Variants in RAPGEF1 observed in about 807,000 individuals in gnomAD.
RAPGEF1 encodes CRK SH3-binding GNRP.
RAPGEF1 carries 33 observed loss-of-function variants against 143.3 expected under a neutral mutation model. The ratio of observed to expected loss-of-function variants is 0.23; its 90% CI spans 0.17 to 0.31. The LOEUF is 0.31. RAPGEF1 is among the 10% of genes least tolerant of loss of function. The pLI is 1.00. For synonymous variants in RAPGEF1, 629 were observed against 676.5 expected (o/e 0.93, Z 1.09); for missense variants, 1,199 against 1,645.4 (o/e 0.73, Z 4.69).
intron 1 of RAPGEF1, among the ~76,000 whole-genome samples, chr9:131,660,155 A>C (rs1200334613): frequency 6.6e-6 from 1 of 152,196 alleles, no homozygotes; most frequent in South Asian, 2.1e-4. Context: ...ACATGGAAAG[A>C]TCCTCTGTCT....
chr9:131,709,769 G>T (rs928148698), intron 1 of RAPGEF1: 7 of 1,600,216 alleles, frequency 4.4e-6, no homozygotes, highest in Non-Finnish European at 6.0e-6. Context: ...GCTGAAAGGG[G>T]ATATCTCTTG....
rs1356988466 is a variant in RAPGEF1, at chr9:131,579,299, G to A, written c.*198C>T. On this transcript the variant is annotated 3_prime_UTR_variant, in exon 27 of 27. Coordinates refer to ENST00000683357, the MANE Select transcript of RAPGEF1 (RefSeq NM_001377935.1). ...GCCTGCTGGCTGCCCTGAGGCCCAC[G>A]GGTCTGCTCCCACAGAGGAAGGAGG... 7 of 676,612 alleles carry A rather than the reference G, an allele frequency of 1.0e-5. No individual in the cohort carries two copies. The East Asian group carries it at 1.1e-4, about 11-fold the overall frequency. The allele number at this position is 676,612 out of a possible 1,614,324, so 41.9% of individuals were successfully genotyped here.
At chr9:131,591,128 A>C (rs768281919) in intron 18 of RAPGEF1, among the ~76,000 whole-genome samples, 2 of 152,252 alleles carry the variant, frequency 1.3e-5, no homozygotes, top group Admixed American at 6.5e-5. Context: ...AGGTGCTCTG[A>C]GTAACAGAAC....
intron 10 of RAPGEF1, among the ~76,000 whole-genome samples, chr9:131,624,758 C>T (rs1962419900): frequency 6.6e-6 from 1 of 152,252 alleles, no homozygotes. Flanking sequence ...TTGCACACCC[C>T]TCTGCGGGAG....
rs1833040469 is a variant in RAPGEF1, at chr9:131,682,956, A to G, written c.62-32007T>C. On this transcript the variant is annotated intron_variant, in intron 1 of 26. Coordinates refer to ENST00000683357, the MANE Select transcript of RAPGEF1 (RefSeq NM_001377935.1). Reference sequence around the variant, plus strand: ...AAAGTAGTTATATTTTGCATTGTGAAGGGCCCGATGGACGACCTGGGGCTA... The same window carrying G: ...AAAGTAGTTATATTTTGCATTGTGAGGGGCCCGATGGACGACCTGGGGCTA... 3.9e-5 allele frequency among the ~76,000 whole-genome samples: 6 copies of G among 152,312 alleles called. No individual in the cohort carries two copies. The South Asian group carries it at 1.2e-3, about 32-fold the overall frequency.
rs1200038155 is a variant in RAPGEF1, at chr9:131,621,306, A to G, written c.1905+490T>C. Reference sequence around the variant, plus strand: ...CTGTTTAAAGCCATCCTCCACTTCAATGGCACTTGTTTTCCTTGGGCCCTC... The same window carrying G: ...CTGTTTAAAGCCATCCTCCACTTCAGTGGCACTTGTTTTCCTTGGGCCCTC... On this transcript the variant is annotated intron_variant, in intron 11 of 26. Transcript: ENST00000683357. The surrounding 1 kb of genome is among the most constrained non-coding windows in gnomAD (Gnocchi z 4.5). 1.3e-5 allele frequency among the ~76,000 whole-genome samples: 2 copies of G among 152,192 alleles called. No individual in the cohort carries two copies. Among genetic ancestry groups the G allele is most frequent in the African/African-American group, 4.8e-5 (2 of 41,456 alleles).
intron 1 of RAPGEF1, among the ~76,000 whole-genome samples, chr9:131,694,797 C>CTTT (rs60955547): frequency 6.5e-5 from 9 of 139,474 alleles, no homozygotes; most frequent in Admixed American, 7.1e-5. Flanking sequence ...TTCACACTTT[C>CTTT]TTTTTTTTTT....
intron 25 of RAPGEF1, 124 bp from the exon 26 acceptor site, chr9:131,580,515 G>T: frequency 8.5e-7 from 1 of 1,179,270 alleles, no homozygotes; most frequent in Non-Finnish European, 1.2e-6. Flanking sequence ...AAACCAAAGA[G>T]CCAGTCTGAG....
At chr9:131,707,490 G>A (rs1835161075) in intron 1 of RAPGEF1, among the ~76,000 whole-genome samples, 1 of 152,070 alleles carries the variant, frequency 6.6e-6, no homozygotes, top group Non-Finnish European at 1.5e-5. Context: ...GCCCAGGCTG[G>A]AGTGCAGTGG....
intron 3 of RAPGEF1, among the ~76,000 whole-genome samples, chr9:131,647,351 G>A (rs561518627): frequency 1.3e-5 from 2 of 152,320 alleles, no homozygotes; most frequent in East Asian, 3.9e-4. Flanking sequence ...CACAATTATG[G>A]TGAGGAGTAA....
chr9:131,706,955 A>G (rs1835118278), intron 1 of RAPGEF1, among the ~76,000 whole-genome samples: 1 of 152,208 alleles, frequency 6.6e-6, no homozygotes, highest in Non-Finnish European at 1.5e-5. Context: ...ACTGAACACA[A>G]CTAAACAAAA....
intron 1 of RAPGEF1, among the ~76,000 whole-genome samples, chr9:131,670,409 G>T (rs774987944): frequency 6.6e-6 from 1 of 152,110 alleles, no homozygotes; most frequent in Non-Finnish European, 1.5e-5. Flanking sequence ...CTTGGTGTAG[G>T]CTCCTCTTCC....
rs201833730 is a variant in RAPGEF1 at position 131,594,748 on chromosome 9, G to A, written c.2689+1550C>T. On this transcript the variant is annotated intron_variant, in intron 17 of 26. Coordinates refer to ENST00000683357, the MANE Select transcript of RAPGEF1 (RefSeq NM_001377935.1). ...GGCAAAGCTCCCACCGGCACGGAGCGTCCTCTCAGCAGGTCCAGCCAGCAA... is the reference window on the plus strand; with the variant it reads ...GGCAAAGCTCCCACCGGCACGGAGCATCCTCTCAGCAGGTCCAGCCAGCAA... Among the ~76,000 whole-genome samples the A allele has an allele frequency of 2.2e-4, 34 of 152,324 alleles. No individual in the cohort carries two copies. The East Asian group carries it at 5.4e-3, about 24-fold the overall frequency.
intron 17 of RAPGEF1, among the ~76,000 whole-genome samples, 185 bp downstream of exon 17, chr9:131,596,113 G>A (rs1184279743): frequency 6.6e-6 from 1 of 152,146 alleles, no homozygotes; most frequent in East Asian, 1.9e-4. Context: ...ACGCACGCCT[G>A]GAGTTGAACA....
At chr9:131,618,764 G>A (rs1393161469) in intron 12 of RAPGEF1, among the ~76,000 whole-genome samples, 1 of 152,170 alleles carries the variant, frequency 6.6e-6, no homozygotes, top group Non-Finnish European at 1.5e-5. Context: ...GGTCCAAAGC[G>A]AGATTGGGAT....
chr9:131,597,995 T>G (rs1564484029), intron 16 of RAPGEF1, among the ~76,000 whole-genome samples: 1 of 152,190 alleles, frequency 6.6e-6, no homozygotes, highest in Non-Finnish European at 1.5e-5. Flanking sequence ...TGACTTTCTA[T>G]AAGCATCAGA....
intron 1 of RAPGEF1, among the ~76,000 whole-genome samples, chr9:131,733,580 A>G (rs1402116148): frequency 2.0e-5 from 3 of 152,212 alleles, no homozygotes; most frequent in Admixed American, 6.5e-5. Flanking sequence ...AGATCCCTTA[A>G]TAATTCACAA....
intron 1 of RAPGEF1, among the ~76,000 whole-genome samples, chr9:131,670,772 A>C (rs894681368): frequency 6.6e-6 from 1 of 152,212 alleles, no homozygotes; most frequent in African/African-American, 2.4e-5. Context: ...AAACAACCCC[A>C]AAAATAATGG....
chr9:131,617,621 A>T (rs1588485067), intron 12 of RAPGEF1, among the ~76,000 whole-genome samples: 1 of 152,270 alleles, frequency 6.6e-6, no homozygotes, highest in East Asian at 1.9e-4. Flanking sequence ...ACAGAACAAG[A>T]CTAGAATCCA....
Sources: gnomAD v4.1 joint callset for allele counts (sites outside exome capture counted in the v4.1 genomes callset) on GRCh38, gnomAD v4.1.1 for gene constraint, Gnocchi (gnomAD v3.1) non-coding constraint, MANE v1.5 for transcripts, NCBI Gene and HGNC (gene_info 2026-07-23, HGNC 2026-07-21) for gene names.